WWOX: variants seen among roughly 807,000 people sequenced by gnomAD.
WWOX encodes WW domain containing oxidoreductase, also known as WW domain-containing oxidoreductase.
WWOX carries 69 observed loss-of-function variants against 46.2 expected under a neutral mutation model. The observed-to-expected ratio is 1.49, with a 90% CI of 1.23 to 1.82. The LOEUF (loss-of-function observed/expected upper bound fraction) is 1.82. Ranked by LOEUF, WWOX falls within the 40% of genes most tolerant of loss-of-function variation. The probability of loss-of-function intolerance (pLI) is 0.00; values close to 1 mark genes in which losing one functional copy is unlikely to be tolerated. For missense variants in WWOX, 919 were observed against 542.6 expected, an observed-to-expected ratio of 1.69 and a Z score of -6.89; for synonymous variants, 359 against 202.6, an observed-to-expected ratio of 1.77 and a Z score of -6.56.
intron 8 of WWOX, among the ~76,000 whole-genome samples, chr16:78,739,495 A>G (rs1466893217): frequency 4.6e-5 from 7 of 152,142 alleles, no homozygotes; most frequent in African/African-American, 1.7e-4. Context: ...CAGGTCGGTA[A>G]GAAGAGGGCT....
intron 8 of WWOX, among the ~76,000 whole-genome samples, chr16:79,137,712 C>T (rs1369311990): frequency 6.6e-6 from 1 of 152,128 alleles, no homozygotes; most frequent in African/African-American, 2.4e-5. Flanking sequence ...GACCCTCCTC[C>T]ATCCCCTTCC....
chr16:78,170,107 G>A (rs2035106699), intron 5 of WWOX, among the ~76,000 whole-genome samples: 1 of 152,078 alleles, frequency 6.6e-6, no homozygotes, highest in Non-Finnish European at 1.5e-5. Context: ...CATATGGGAG[G>A]GGTGACCCAA....
chr16:78,835,519 A>T (rs2051954386), intron 8 of WWOX, among the ~76,000 whole-genome samples: 1 of 152,248 alleles, frequency 6.6e-6, no homozygotes. Context: ...TACCCCGTAA[A>T]ATCACACAAT....
chr16:79,028,337 G>A lies in WWOX; in HGVS notation c.1057-183271G>A, dbSNP rs531088177. ...GATGTAGTTGGGTGACACTATGAGT[G>A]TATCGTTAGGCATGTTCAAAATATA... On this transcript the variant is annotated intron_variant, in intron 8 of 8. Coordinates refer to ENST00000566780, the MANE Select transcript of WWOX (RefSeq NM_016373.4). 5.5e-4 allele frequency among the ~76,000 whole-genome samples: 83 copies of A among 151,974 alleles called. 1 individual carries two copies. The highest frequency in any genetic ancestry group is 2.0e-3 in the African/African-American group (81 of 41,236).
intron 8 of WWOX, among the ~76,000 whole-genome samples, chr16:79,065,434 T>G (rs577473062): frequency 6.6e-6 from 1 of 152,196 alleles, no homozygotes; most frequent in African/African-American, 2.4e-5. Context: ...GATGAAATCA[T>G]TGAAGTGTGG....
At chr16:78,631,004 C>T (rs908727991) in intron 8 of WWOX, among the ~76,000 whole-genome samples, 1 of 152,112 alleles carries the variant, frequency 6.6e-6, no homozygotes, top group Admixed American at 6.6e-5. Flanking sequence ...ATTCCTTAAA[C>T]AATCCAACAT....
At chr16:78,641,764 G>T (rs1379638786) in intron 8 of WWOX, among the ~76,000 whole-genome samples, 1 of 152,120 alleles carries the variant, frequency 6.6e-6, no homozygotes, top group Non-Finnish European at 1.5e-5. Flanking sequence ...CTAATTACCT[G>T]ACAGAGCTCC....
At chr16:78,493,436 C>A (rs778384023) in intron 8 of WWOX, among the ~76,000 whole-genome samples, 6 of 152,332 alleles carry the variant, frequency 3.9e-5, no homozygotes, top group African/African-American at 4.8e-5. Flanking sequence ...TCACATCAAG[C>A]TAGGTCCACC....
At chr16:78,454,593 C>A (rs1344561525) in intron 8 of WWOX, among the ~76,000 whole-genome samples, 2 of 152,170 alleles carry the variant, frequency 1.3e-5, no homozygotes, top group Non-Finnish European at 2.9e-5. Flanking sequence ...CCAAGCTCCG[C>A]TTCCCAGGAT....
chr16:78,933,068 G>T (rs893187368), intron 8 of WWOX, among the ~76,000 whole-genome samples: 8 of 152,170 alleles, frequency 5.3e-5, no homozygotes, highest in Non-Finnish European at 1.2e-4. Flanking sequence ...GGGGGAGCAA[G>T]GCTTGCAAAT....
At chr16:79,122,828 T>C (rs1346859617) in intron 8 of WWOX, among the ~76,000 whole-genome samples, 1 of 152,118 alleles carries the variant, frequency 6.6e-6, no homozygotes, top group Non-Finnish European at 1.5e-5. Context: ...CTCAATGAAA[T>C]ACATCTTCAT....
chr16:78,381,651 A>C (rs7186569), intron 5 of WWOX, among the ~76,000 whole-genome samples: 1 of 152,044 alleles, frequency 6.6e-6, no homozygotes, highest in African/African-American at 2.4e-5. Flanking sequence ...GGAAGAATGA[A>C]GATTTGGGGA....
intron 8 of WWOX, among the ~76,000 whole-genome samples, chr16:78,663,387 A>G (rs759575076): frequency 1.8e-4 from 28 of 152,130 alleles, no homozygotes; most frequent in East Asian, 5.8e-4. Context: ...ATAATATTCT[A>G]TTCTATCAAT....
intron 8 of WWOX, among the ~76,000 whole-genome samples, chr16:79,172,060 G>C (rs1022824646): frequency 1.3e-5 from 2 of 152,186 alleles, no homozygotes; most frequent in South Asian, 4.1e-4. Flanking sequence ...GGCAAGTTGG[G>C]ATCCTCCCCT....
chr16:78,724,379 T>C (rs1464366609), intron 8 of WWOX, among the ~76,000 whole-genome samples: 1 of 152,196 alleles, frequency 6.6e-6, no homozygotes, highest in African/African-American at 2.4e-5. Context: ...CTAAAATATT[T>C]TTTTTCCTTC....
chr16:78,203,543 C>T (rs1045559539), intron 5 of WWOX, among the ~76,000 whole-genome samples: 28 of 152,034 alleles, frequency 1.8e-4, no homozygotes, highest in African/African-American at 5.8e-4. Context: ...AAAACATATT[C>T]AATAATATAA....
intron 4 of WWOX, among the ~76,000 whole-genome samples, chr16:78,146,655 C>T (rs188643605): frequency 6.0e-4 from 91 of 152,314 alleles, no homozygotes; most frequent in African/African-American, 2.1e-3. Context: ...CTTCCCAGCT[C>T]TCCCTTCTGA....
intron 8 of WWOX, among the ~76,000 whole-genome samples, chr16:78,592,822 C>G (rs937029831): frequency 6.6e-6 from 1 of 152,188 alleles, no homozygotes; most frequent in African/African-American, 2.4e-5. Context: ...TCTCTTTCTG[C>G]TTTGTGACAT....
intron 8 of WWOX, among the ~76,000 whole-genome samples, chr16:78,920,115 G>C (rs559294590): frequency 6.6e-6 from 1 of 152,264 alleles, no homozygotes; most frequent in African/African-American, 2.4e-5. Context: ...TGTCTACACT[G>C]TAGGGCCGTC....
Sources: gnomAD v4.1 joint callset for allele counts (sites outside exome capture counted in the v4.1 genomes callset) on GRCh38, gnomAD v4.1.1 for gene constraint, MANE v1.5 for transcripts, NCBI Gene and HGNC (gene_info 2026-07-23, HGNC 2026-07-21) for gene names.